Variants in ABCG2 observed in about 807,000 individuals in gnomAD.
ABCG2 encodes the protein ATP binding cassette subfamily G member 2 (JR blood group), also known as broad substrate specificity ATP-binding cassette transporter ABCG2.
ABCG2 carries 80 observed loss-of-function variants against 73.5 expected under a neutral mutation model. The ratio of observed to expected loss-of-function variants is 1.09; its 90% CI spans 0.91 to 1.31. The LOEUF (loss-of-function observed/expected upper bound fraction) is 1.31. Ranked by LOEUF, ABCG2 falls within the 50% of genes most tolerant of loss-of-function variation. The pLI is 0.00. For synonymous variants in ABCG2, 269 were observed against 282.4 expected (o/e 0.95, Z 0.48); for missense variants, 796 against 786.2 (o/e 1.01, Z -0.15).
At position 88,106,461 on chromosome 4, in the gene ABCG2, C is replaced by T. The variant is rs562517159; in HGVS notation, c.1277+723G>A. On this transcript the variant is annotated intron_variant, in intron 10 of 15. Transcript: ENST00000237612. ...ACAACGGAAAGAAATCTGACACATG[C>T]TACATGAATGAGCCATAAAGACAAC... 4.6e-5 allele frequency among the ~76,000 whole-genome samples: 7 copies of T among 152,248 alleles called. No homozygotes were observed. In the South Asian group the frequency reaches 1.5e-3, roughly 32 times the overall value.
chr4:88,221,302 T>G (rs1404939683), intron 1 of ABCG2, among the ~76,000 whole-genome samples: 1 of 152,016 alleles, frequency 6.6e-6, no homozygotes, highest in Non-Finnish European at 1.5e-5. Flanking sequence ...AATAAACTAC[T>G]CAGTCTCGGG....
At chr4:88,138,691 G>A (rs1421666479) in intron 2 of ABCG2, among the ~76,000 whole-genome samples, 1 of 152,112 alleles carries the variant, frequency 6.6e-6, no homozygotes, top group Non-Finnish European at 1.5e-5. Flanking sequence ...ACTTAAACAG[G>A]AAATGCCAGC....
rs1196793254 is a variant in ABCG2, at chr4:88,107,246, C to T, written c.1215G>A (p.Leu405=). ...AGTAAATGGCACCTATAACCAGTCC[C>T]AGTACGACTGTGACAATGATCTTTT... ...SIAQIIVTVV[L]GLVIGAIYFG... is the part of the protein sequence containing the mutation. The change falls in exon 10 of 16, where the codon CTG becomes CTA. Residue 405 remains leucine, a synonymous_variant. Transcript: ENST00000237612. 3 of 1,609,318 alleles carry T rather than the reference C, an allele frequency of 1.9e-6. No individual in the cohort carries two copies. Among genetic ancestry groups the T allele is most frequent in the African/African-American group, 2.7e-5 (2 of 74,648 alleles).
intron 14 of ABCG2, 85 bp downstream of exon 14, chr4:88,095,435 G>C: frequency 8.1e-7 from 1 of 1,234,464 alleles, no homozygotes; most frequent in Admixed American, 1.7e-5. Context: ...CACAGCTCAT[G>C]GTCAGGGAAA....
intron 1 of ABCG2, among the ~76,000 whole-genome samples, chr4:88,225,427 CA>C (rs1057014242): frequency 6.6e-6 from 1 of 152,122 alleles, no homozygotes; most frequent in Admixed American, 6.5e-5. Context: ...GTGATAAGAA[CA>C]ATGGTGAGAG....
intron 1 of ABCG2, among the ~76,000 whole-genome samples, chr4:88,228,023 C>A (rs939363928): frequency 6.6e-6 from 1 of 152,188 alleles, no homozygotes; most frequent in Admixed American, 6.5e-5. Flanking sequence ...GTTGAAATTA[C>A]AATCTCCTTG....
chr4:88,202,376 A>ATATATATG (rs1176057791), intron 1 of ABCG2, among the ~76,000 whole-genome samples: 4 of 128,586 alleles, frequency 3.1e-5, no homozygotes, highest in African/African-American at 8.7e-5. Context: ...ATATATATAT[A>ATATATATG]TGTATATTTT....
intron 1 of ABCG2, among the ~76,000 whole-genome samples, chr4:88,154,089 G>C (rs183485413): frequency 6.6e-6 from 1 of 152,330 alleles, no homozygotes; most frequent in East Asian, 1.9e-4. Context: ...GGAAGAGATT[G>C]ATAGGTGGAA....
rs200839263 is a variant in ABCG2, at chr4:88,197,197, C to CA, written c.-20+33796dup. Among the ~76,000 whole-genome samples the CA allele has an allele frequency of 3.9e-3, 440 of 113,762 alleles. 6 individuals carry two copies. The highest frequency in any genetic ancestry group is 0.011 in the African/African-American group (394 of 35,596). 74.6% of individuals were successfully genotyped at this position (113,762 alleles called of 152,430 possible). A position where few individuals can be genotyped will look rare whatever the true frequency, so the allele number is the denominator to read the frequency against. Reference sequence around the variant, plus strand: ...GTACATCATGTCTGGCTTTCAACAACAAAAAAAAAAAAACAAGGCATACTA... The same window carrying CA: ...GTACATCATGTCTGGCTTTCAACAACAAAAAAAAAAAAAACAAGGCATACTA... On this transcript the variant is annotated intron_variant, in intron 1 of 15. Coordinates refer to the ABCG2 transcript ENST00000515655.
intron 3 of ABCG2, 104 bp from the exon 4 acceptor site, chr4:88,132,021 T>C: frequency 1.5e-6 from 1 of 670,774 alleles, no homozygotes; most frequent in South Asian, 2.5e-5. Flanking sequence ...CATGGCTACT[T>C]TGAATCCAAA....
rs554184983 is a variant in ABCG2 at position 88,114,905 on chromosome 4, C to G, written c.943+52G>C. ...TTTAATTAGCCACCACATTGCTAAA[C>G]TTCAGCCAATTCAATTAGGCAAAAA... is the stretch of plus-strand genomic sequence containing the variant. On this transcript the variant is annotated intron_variant, in intron 8 of 15. Coordinates refer to ENST00000237612, the MANE Select transcript of ABCG2 (RefSeq NM_004827.3). 17 of 1,305,996 alleles carry G rather than the reference C, an allele frequency of 1.3e-5. No homozygotes were observed. The East Asian group carries it at 4.0e-4, about 31-fold the overall frequency. 80.9% of individuals were successfully genotyped at this position (1,305,996 alleles called of 1,614,324 possible).
At chr4:88,120,499 C>T (rs1307437370) in intron 6 of ABCG2, among the ~76,000 whole-genome samples, 1 of 152,186 alleles carries the variant, frequency 6.6e-6, no homozygotes, top group Non-Finnish European at 1.5e-5. Flanking sequence ...TCCCAAGGCC[C>T]TGGGAGCCCA....
chr4:88,182,552 C>T (rs912782655), intron 1 of ABCG2, among the ~76,000 whole-genome samples: 1 of 152,158 alleles, frequency 6.6e-6, no homozygotes, highest in Non-Finnish European at 1.5e-5. Flanking sequence ...CCTCAAGTAT[C>T]TTCTCTGACC....
upstream of ABCG2, among the ~76,000 whole-genome samples, chr4:88,160,432 CAGGAGG>C (rs1446683929): frequency 6.6e-6 from 1 of 152,062 alleles, no homozygotes; most frequent in Admixed American, 6.6e-5. Flanking sequence ...GAAGGCACTA[CAGGAGG>C]AGACTGAACA....
intron 2 of ABCG2, among the ~76,000 whole-genome samples, chr4:88,134,570 T>C (rs1316001301): frequency 6.6e-6 from 1 of 152,212 alleles, no homozygotes; most frequent in Non-Finnish European, 1.5e-5. Context: ...CCCTAATAAC[T>C]GCCTCTAAAA....
At chr4:88,180,683 G>A (rs1356272734) in intron 1 of ABCG2, among the ~76,000 whole-genome samples, 1 of 152,074 alleles carries the variant, frequency 6.6e-6, no homozygotes, top group Non-Finnish European at 1.5e-5. Context: ...AGCCCAGAAA[G>A]TATAGGTTGC....
chr4:88,181,714 G>C (rs1424454597), intron 1 of ABCG2, among the ~76,000 whole-genome samples: 1 of 152,184 alleles, frequency 6.6e-6, no homozygotes, highest in Admixed American at 6.5e-5. Flanking sequence ...CTGGATGACA[G>C]AGTGAGACCC....
At chr4:88,138,180 A>T (rs1306542052) in intron 2 of ABCG2, among the ~76,000 whole-genome samples, 1 of 152,228 alleles carries the variant, frequency 6.6e-6, no homozygotes, top group Non-Finnish European at 1.5e-5. Flanking sequence ...AATCATTTCA[A>T]AGTAAGTTAT....
At chr4:88,158,095 A>G (rs1727073738) in intron 1 of ABCG2, among the ~76,000 whole-genome samples, 1 of 152,172 alleles carries the variant, frequency 6.6e-6, no homozygotes. Context: ...TATCCTTCCA[A>G]TATCAACTTT....
Sources: allele counts gnomAD v4.1 joint callset (sites outside exome capture counted in the v4.1 genomes callset), GRCh38; gene constraint gnomAD v4.1.1; transcripts MANE v1.5; gene names NCBI Gene and HGNC (gene_info 2026-07-23, HGNC 2026-07-21).